Variants in HOXC5 observed in about 807,000 individuals in gnomAD.
HOXC5 encodes homeobox protein Hox-C5.
A neutral mutation model predicts 20.1 loss-of-function variants in HOXC5; 19 were observed. The observed-to-expected ratio is 0.94, with a 90% CI of 0.66 to 1.38. The LOEUF is 1.38. Among genes scored for constraint, HOXC5 ranks in the 40% most tolerant of loss-of-function variants. The pLI, the probability that HOXC5 is intolerant of heterozygous loss-of-function variation, is 0.00. For synonymous variants in HOXC5, 124 were observed against 117.0 expected (o/e 1.06, Z -0.39); for missense variants, 330 against 300.1 (o/e 1.10, Z -0.74).
chr12:54,026,151 C>A, the HOXC5 span, among the ~76,000 whole-genome samples: 3 of 152,252 alleles, frequency 2.0e-5, no homozygotes, highest in Non-Finnish European at 4.4e-5. Flanking sequence ...CTCTCTCTTC[C>A]GGCCTCTTCT....
the HOXC5 span, among the ~76,000 whole-genome samples, chr12:54,023,065 C>T: frequency 6.6e-6 from 1 of 152,152 alleles, no homozygotes; most frequent in African/African-American, 2.4e-5. Context: ...TCAAGTGTCC[C>T]TAGGCATCTA....
the HOXC5 span, among the ~76,000 whole-genome samples, chr12:54,026,937 C>T: frequency 2.3e-5 from 3 of 127,704 alleles, no homozygotes; most frequent in Non-Finnish European, 5.0e-5. Context: ...AGCCAGCTTT[C>T]CCCCCCCCCA....
chr12:54,017,454 T>C, the HOXC5 span: 1 of 147,428 alleles, frequency 6.8e-6, no homozygotes, highest in South Asian at 2.1e-4. Flanking sequence ...TAACTAATGG[T>C]CCGTGGCGGT....
chr12:54,031,738 G>A (rs914021546), upstream of HOXC5, among the ~76,000 whole-genome samples: 3 of 152,318 alleles, frequency 2.0e-5, no homozygotes, highest in African/African-American at 4.8e-5. Context: ...GCCTTCTCCT[G>A]GCGGGGCGGA....
chr12:54,034,592 T>A lies in HOXC5; in HGVS notation c.*100T>A. The stretch of plus-strand genomic sequence containing the variant: ...CTCTATATTTCGGGTCGGGGGCAGG[T>A]GCTGGAGCACTGGGCTCCCGGGCCC... On this transcript the variant is annotated 3_prime_UTR_variant, in exon 2 of 2. Coordinates refer to ENST00000312492, the MANE Select transcript of HOXC5 (RefSeq NM_018953.4). 2 of 996,356 alleles carry A rather than the reference T, an allele frequency of 2.0e-6. No individual in the cohort carries two copies. The highest frequency in any genetic ancestry group is 1.6e-5 in the South Asian group (1 of 63,404). The allele number at this position is 996,356 out of a possible 1,614,324, so 61.7% of individuals were successfully genotyped here. A position where few individuals can be genotyped will look rare whatever the true frequency, so the allele number is the denominator to read the frequency against.
At position 54,033,086 on chromosome 12, in the gene HOXC5, A is replaced by G. The variant is rs1297214258; in HGVS notation, c.-37A>G. 1.9e-6 allele frequency: 3 copies of G among 1,561,882 alleles called. No individual in the cohort carries two copies. The highest frequency in any genetic ancestry group is 2.6e-6 in the Non-Finnish European group (3 of 1,141,802). ...AAAGAGTCACAAATCACCCTTAATC[A>G]AAAAGGGTGCAGAAATTTTTTTGGG... On this transcript the variant is annotated 5_prime_UTR_variant, in exon 1 of 2. Coordinates refer to ENST00000312492, the MANE Select transcript of HOXC5 (RefSeq NM_018953.4).
At chr12:54,031,183 A>G (rs1940971883), upstream of HOXC5, among the ~76,000 whole-genome samples, 1 of 152,248 alleles carries the variant, frequency 6.6e-6, no homozygotes, top group Admixed American at 6.5e-5. Context: ...GGCGCCCCGA[A>G]AGACCAGTAA....
the HOXC5 span, chr12:54,022,089 G>C: frequency 6.6e-6 from 1 of 152,254 alleles, no homozygotes; most frequent in African/African-American, 2.4e-5. Flanking sequence ...CCCTTGCCTA[G>C]GCTTTTCTTC....
chr12:54,029,884 C>T, upstream of HOXC5: 1 of 1,610,382 alleles, frequency 6.2e-7, no homozygotes, highest in Non-Finnish European at 8.5e-7. Context: ...CGGGGGGCGG[C>T]GGAGGGGCCA....
Position 54,033,128 on chromosome 12 carries a change from C to T in HOXC5, c.6C>T (p.Ser2=), listed in dbSNP as rs201414819. 4 of 1,602,872 alleles carry T rather than the reference C, an allele frequency of 2.5e-6. No homozygotes were observed. Among genetic ancestry groups the T allele is most frequent in the East Asian group, 4.5e-5 (2 of 44,544 alleles). The change falls in exon 1 of 2, where the codon AGC becomes AGT. Residue 2 remains serine (S), a synonymous_variant. Transcript: ENST00000312492. M[S]SYVANSFYKQ... ...TTTTTTGGGCCCTCCCCGCCATGAG[C>T]TCCTACGTAGCCAATTCATTCTATA...
chr12:54,027,006 C>T, the HOXC5 span, among the ~76,000 whole-genome samples: 1 of 151,876 alleles, frequency 6.6e-6, no homozygotes, highest in Admixed American at 6.6e-5. Flanking sequence ...CCCGCACACT[C>T]CCCACCACCC....
the HOXC5 span, chr12:54,020,394 G>C: frequency 2.0e-5 from 3 of 152,342 alleles, no homozygotes; most frequent in South Asian, 2.1e-4. Flanking sequence ...TTCATGTGCT[G>C]GTTCCTAGCT....
At chr12:54,028,858 C>A (rs747794723), upstream of HOXC5, 7 of 1,613,964 alleles carry the variant, frequency 4.3e-6, no homozygotes, top group Middle Eastern at 1.6e-4. Context: ...CAGGACTGCG[C>A]CCCAGGACCA....
upstream of HOXC5, chr12:54,028,874 C>T (rs1231125432): frequency 6.2e-7 from 1 of 1,613,588 alleles, no homozygotes; most frequent in Non-Finnish European, 8.5e-7. Context: ...GACCAGAAAG[C>T]CAGTATCCAG....
upstream of HOXC5, chr12:54,028,976 C>T (rs991870481): frequency 3.0e-5 from 46 of 1,511,370 alleles, no homozygotes; most frequent in Non-Finnish European, 8.0e-6. Context: ...GCTTTATGAC[C>T]GGCTTCCCTA....
chr12:54,026,593 C>A, the HOXC5 span, among the ~76,000 whole-genome samples: 2 of 152,148 alleles, frequency 1.3e-5, no homozygotes, highest in African/African-American at 4.8e-5. Context: ...CAAATACCGA[C>A]AAATTTCTGT....
At chr12:54,018,534 T>A in the HOXC5 span, among the ~76,000 whole-genome samples, 1 of 152,218 alleles carries the variant, frequency 6.6e-6, no homozygotes, top group Non-Finnish European at 1.5e-5. Flanking sequence ...TTGGTGCTAA[T>A]GGCCTGTTGT....
At chr12:54,030,207 G>A (rs1249078), upstream of HOXC5, 197 of 425,990 alleles carry the variant, frequency 4.6e-4, 1 homozygote, top group Admixed American at 2.7e-3. Context: ...CTTGTCTACA[G>A]GCCCTTTTCC....
rs571682923 is a variant in HOXC5, at chr12:54,034,890, T to G, written c.*398T>G. The G allele has an allele frequency of 3.2e-5, 8 of 250,254 alleles. No homozygotes were observed. In the South Asian group the frequency reaches 4.4e-4, roughly 14 times the overall value. 15.5% of individuals were successfully genotyped at this position (250,254 alleles called of 1,614,324 possible). A position where few individuals can be genotyped will look rare whatever the true frequency, so the allele number is the denominator to read the frequency against. The stretch of plus-strand genomic sequence containing the variant: ...GCGCCACAGGACCCTCGCCGGACCC[T>G]CTAACCTCGCCCTCTCCTTTGTTCC... On this transcript the variant is annotated 3_prime_UTR_variant, in exon 2 of 2. Coordinates refer to ENST00000312492, the MANE Select transcript of HOXC5 (RefSeq NM_018953.4).
Sources: allele counts gnomAD v4.1 joint callset (sites outside exome capture counted in the v4.1 genomes callset), GRCh38; gene constraint gnomAD v4.1.1; transcripts MANE v1.5; gene names NCBI Gene and HGNC (gene_info 2026-07-23, HGNC 2026-07-21).